Variants in ATP8A2 observed in about 807,000 individuals in gnomAD.
The protein encoded by ATP8A2 is ATPase phospholipid transporting 8A2, also known as phospholipid-transporting ATPase IB.
In ATP8A2, 100 loss-of-function variants were observed where a neutral mutation model predicts 165.6. The ratio of observed to expected loss-of-function variants is 0.60; its 90% CI spans 0.51 to 0.71. ATP8A2 has a LOEUF of 0.71. Among genes scored for constraint, ATP8A2 ranks in the 30% least tolerant of loss-of-function variants. The probability of loss-of-function intolerance (pLI) is 0.00; values close to 1 mark genes in which losing one functional copy is unlikely to be tolerated. For synonymous variants in ATP8A2, 543 were observed against 548.8 expected (o/e 0.99, Z 0.15); for missense variants, 1,227 against 1,479.5 (o/e 0.83, Z 2.80).
chr13:25,495,988 A>G (rs546694885), intron 2 of ATP8A2, among the ~76,000 whole-genome samples: 1 of 152,254 alleles, frequency 6.6e-6, no homozygotes, highest in Non-Finnish European at 1.5e-5. Flanking sequence ...CAGAACTCTC[A>G]TCACCAGGGC....
intron 33 of ATP8A2, among the ~76,000 whole-genome samples, chr13:25,895,268 C>G (rs538938987): frequency 8.8e-4 from 134 of 152,160 alleles, no homozygotes; most frequent in Middle Eastern, 3.4e-3. Flanking sequence ...TGTCAAAGGC[C>G]TTTTCTGCAT....
intron 31 of ATP8A2, 46 bp downstream of exon 31, chr13:25,860,302 G>A (rs773155469): frequency 7.7e-7 from 1 of 1,306,750 alleles, no homozygotes; most frequent in Non-Finnish European, 1.1e-6. Context: ...CAGCTTATGT[G>A]TGGCTTGCAC....
intron 36 of ATP8A2, among the ~76,000 whole-genome samples, chr13:26,013,220 C>T (rs1201876680): frequency 6.6e-6 from 1 of 152,144 alleles, no homozygotes; most frequent in East Asian, 1.9e-4. Context: ...GGCCACCTTC[C>T]CCAGGGCCAA....
chr13:25,990,571 C>T (rs1380194296), intron 35 of ATP8A2, among the ~76,000 whole-genome samples: 1 of 152,154 alleles, frequency 6.6e-6, no homozygotes. Context: ...ATGTGGCCAG[C>T]TGGGGCAGAG....
At chr13:25,832,193 C>A (rs1410594530) in intron 28 of ATP8A2, among the ~76,000 whole-genome samples, 2 of 152,068 alleles carry the variant, frequency 1.3e-5, no homozygotes, top group African/African-American at 4.8e-5. Context: ...CTGCCTCGGC[C>A]CCCCAGAGTG....
chr13:25,396,976 T>A (rs1485387947), intron 1 of ATP8A2, among the ~76,000 whole-genome samples: 2 of 152,142 alleles, frequency 1.3e-5, no homozygotes, highest in Non-Finnish European at 2.9e-5. Context: ...TCCCTCAGGG[T>A]TCAGGAAAGC....
intron 24 of ATP8A2, among the ~76,000 whole-genome samples, chr13:25,624,082 TG>T (rs1222938215): frequency 5.3e-5 from 8 of 152,092 alleles, no homozygotes; most frequent in Admixed American, 3.9e-4. Flanking sequence ...TTTTGCACAT[TG>T]GTGGTGCTTA....
At chr13:25,933,749 A>T (rs537288711) in intron 33 of ATP8A2, among the ~76,000 whole-genome samples, 1 of 152,354 alleles carries the variant, frequency 6.6e-6, no homozygotes, top group African/African-American at 2.4e-5. Flanking sequence ...AAGTTGGTGG[A>T]GTGTCTGTCC....
intron 24 of ATP8A2, among the ~76,000 whole-genome samples, chr13:25,672,232 T>C (rs2042281466): frequency 6.6e-6 from 1 of 152,156 alleles, no homozygotes. Flanking sequence ...TATTTGAAGA[T>C]TCCAGTTTTT....
intron 24 of ATP8A2, among the ~76,000 whole-genome samples, chr13:25,642,626 G>C (rs1428772754): frequency 2.6e-5 from 4 of 152,276 alleles, no homozygotes; most frequent in African/African-American, 7.2e-5. Context: ...GAAATAGGAA[G>C]ACTTTTACAC....
chr13:25,719,481 G>A (rs2043327415), intron 25 of ATP8A2, among the ~76,000 whole-genome samples: 1 of 151,984 alleles, frequency 6.6e-6, no homozygotes, highest in Non-Finnish European at 1.5e-5. Flanking sequence ...ATGGATGGAT[G>A]GATGGATGGA....
intron 33 of ATP8A2, among the ~76,000 whole-genome samples, chr13:25,916,946 A>G (rs1358024241): frequency 1.3e-5 from 2 of 152,284 alleles, no homozygotes; most frequent in Middle Eastern, 3.4e-3. Flanking sequence ...TGAGTCCTAG[A>G]TAATATCCAG....
chr13:25,765,913 C>A (rs2044481025), intron 25 of ATP8A2, among the ~76,000 whole-genome samples: 1 of 152,176 alleles, frequency 6.6e-6, no homozygotes, highest in East Asian at 1.9e-4. Context: ...GATTTTCCGA[C>A]CCCTGCAGTG....
intron 24 of ATP8A2, among the ~76,000 whole-genome samples, chr13:25,602,021 A>T (rs1421998786): frequency 6.6e-6 from 1 of 151,860 alleles, no homozygotes; most frequent in Non-Finnish European, 1.5e-5. Context: ...TTTTCCTACC[A>T]TCTGCTAAAA....
chr13:25,459,898 G>A (rs955782669), intron 1 of ATP8A2, among the ~76,000 whole-genome samples: 1 of 152,084 alleles, frequency 6.6e-6, no homozygotes, highest in Admixed American at 6.6e-5. Flanking sequence ...AGCTGTGTGG[G>A]TCTTCAAAAT....
chr13:25,836,512 C>G (rs1271080259), intron 28 of ATP8A2, among the ~76,000 whole-genome samples: 1 of 152,184 alleles, frequency 6.6e-6, no homozygotes, highest in Non-Finnish European at 1.5e-5. Flanking sequence ...TCTCCCTTCT[C>G]CTTCTGCGTC....
intron 27 of ATP8A2, among the ~76,000 whole-genome samples, chr13:25,805,799 A>G (rs756889456): frequency 1.3e-5 from 2 of 152,218 alleles, no homozygotes; most frequent in Admixed American, 1.3e-4. Flanking sequence ...AGATCAATGT[A>G]AGAACTTATT....
At chr13:25,932,457 G>A (rs926662488) in intron 33 of ATP8A2, among the ~76,000 whole-genome samples, 7 of 152,312 alleles carry the variant, frequency 4.6e-5, no homozygotes, top group Middle Eastern at 3.4e-3. Context: ...GGTGGCTCTC[G>A]AGCATCAGCT....
chr13:25,663,224 G>C (rs2042087284), intron 24 of ATP8A2, among the ~76,000 whole-genome samples: 1 of 152,214 alleles, frequency 6.6e-6, no homozygotes, highest in Non-Finnish European at 1.5e-5. Flanking sequence ...GAATGCGTAG[G>C]TTTAATAAAA....
Sources: allele counts gnomAD v4.1 joint callset (sites outside exome capture counted in the v4.1 genomes callset), GRCh38; gene constraint gnomAD v4.1.1; transcripts MANE v1.5; gene names NCBI Gene and HGNC (gene_info 2026-07-23, HGNC 2026-07-21).